The following TAFA1 variants were observed in gnomAD, a reference collection of about 807,000 sequenced individuals.
TAFA1 encodes TAFA chemokine like family member 1, also known as chemokine-like protein TAFA-1.
A neutral mutation model predicts 18.5 loss-of-function variants in TAFA1; 4 were observed. That is an observed-to-expected ratio of 0.22 (90% CI 0.11 to 0.49). TAFA1 has a LOEUF of 0.49. TAFA1 is among the 20% of genes least tolerant of loss of function. TAFA1 has a pLI of 0.98. For missense variants in TAFA1, 147 were observed against 169.0 expected, an observed-to-expected ratio of 0.87 and a Z score of 0.72; for synonymous variants, 56 against 55.2, an observed-to-expected ratio of 1.01 and a Z score of -0.06.
chr3:68,441,257 C>T (rs2071374283), intron 3 of TAFA1, among the ~76,000 whole-genome samples: 2 of 152,146 alleles, frequency 1.3e-5, no homozygotes, highest in South Asian at 4.1e-4. Flanking sequence ...GTGCAGGCTG[C>T]TTTGTAAGCT....
chr3:68,109,032 T>C (rs1296395619), intron 2 of TAFA1, among the ~76,000 whole-genome samples: 2 of 152,116 alleles, frequency 1.3e-5, no homozygotes, highest in Non-Finnish European at 2.9e-5. Flanking sequence ...CAAGGATGCA[T>C]ATAATGAAGC....
intron 2 of TAFA1, among the ~76,000 whole-genome samples, chr3:68,381,454 G>A: frequency 6.6e-6 from 1 of 152,020 alleles, no homozygotes; most frequent in Admixed American, 6.6e-5. Context: ...ATTGAGCAGT[G>A]GTTTGTAGTT....
intron 2 of TAFA1, among the ~76,000 whole-genome samples, chr3:68,108,436 GT>G (rs2065227932): frequency 4.8e-5 from 1 of 21,022 alleles, no homozygotes; most frequent in Non-Finnish European, 9.7e-5. Context: ...TTATTTGAAG[GT>G]GTGTGTGTGT....
intron 2 of TAFA1, among the ~76,000 whole-genome samples, chr3:68,240,132 A>C (rs556397953): frequency 6.6e-6 from 1 of 152,302 alleles, no homozygotes; most frequent in South Asian, 2.1e-4. Context: ...ACTTTTAGAA[A>C]TGATGAAGAG....
intron 2 of TAFA1, among the ~76,000 whole-genome samples, chr3:68,241,236 C>T (rs2066995225): frequency 1.3e-5 from 2 of 152,112 alleles, no homozygotes; most frequent in Middle Eastern, 3.4e-3. Context: ...TGGTACTTGA[C>T]CTATTGGAAG....
chr3:68,116,622 G>T (rs9990002), intron 2 of TAFA1, among the ~76,000 whole-genome samples: 125,647 of 152,138 alleles, frequency 0.83, 53,899 homozygotes, highest in South Asian at 0.95. Flanking sequence ...CTCTACCCTA[G>T]TTTCAGGTCA....
intron 2 of TAFA1, among the ~76,000 whole-genome samples, chr3:68,120,205 CTT>C (rs1360590038): frequency 9.3e-6 from 1 of 108,014 alleles, no homozygotes; most frequent in African/African-American, 4.1e-5. Context: ...TTCTTTCTTT[CTT>C]TCTTTCTTTC....
intron 2 of TAFA1, among the ~76,000 whole-genome samples, chr3:68,362,100 G>A (rs1007138354): frequency 6.6e-6 from 1 of 151,870 alleles, no homozygotes; most frequent in Non-Finnish European, 1.5e-5. Flanking sequence ...GGGTTTTGTT[G>A]GTATGGAGTT....
chr3:68,285,316 A>T (rs2067976516), intron 2 of TAFA1, among the ~76,000 whole-genome samples: 1 of 152,104 alleles, frequency 6.6e-6, no homozygotes, highest in African/African-American at 2.4e-5. Flanking sequence ...GGAGGGTGAA[A>T]GTGTTGTAAG....
intron 2 of TAFA1, among the ~76,000 whole-genome samples, chr3:68,083,220 T>C (rs575338851): frequency 6.6e-6 from 1 of 152,304 alleles, no homozygotes; most frequent in Admixed American, 6.5e-5. Context: ...AAATACATTC[T>C]GGGCAGTAAG....
intron 2 of TAFA1, among the ~76,000 whole-genome samples, chr3:68,351,414 C>A (rs1203709931): frequency 6.6e-6 from 1 of 152,010 alleles, no homozygotes; most frequent in African/African-American, 2.4e-5. Context: ...GTGTATTAAG[C>A]AGATTCAATG....
intron 2 of TAFA1, among the ~76,000 whole-genome samples, chr3:68,008,072 G>A (rs971564981): frequency 7.9e-5 from 12 of 152,344 alleles, no homozygotes; most frequent in Middle Eastern, 3.4e-3. Flanking sequence ...GCTGGGGGCT[G>A]TTTCTGGGCC....
chr3:68,517,406 C>G (rs2072939655), intron 3 of TAFA1, among the ~76,000 whole-genome samples: 1 of 152,122 alleles, frequency 6.6e-6, no homozygotes, highest in Non-Finnish European at 1.5e-5. Flanking sequence ...TCAGATGGAG[C>G]TCTTTTAGTC....
intron 2 of TAFA1, among the ~76,000 whole-genome samples, chr3:68,017,708 T>A: frequency 6.6e-6 from 1 of 152,356 alleles, no homozygotes; most frequent in African/African-American, 2.4e-5. Flanking sequence ...TTTAAGATAG[T>A]GCAGCTTTAG....
At chr3:67,992,640 A>G in the TAFA1 span, among the ~76,000 whole-genome samples, 1 of 152,228 alleles carries the variant, frequency 6.6e-6, no homozygotes, top group Non-Finnish European at 1.5e-5. Flanking sequence ...TATACATAAT[A>G]CATAAACAAA....
chr3:68,116,480 C>G (rs1308255907), intron 2 of TAFA1, among the ~76,000 whole-genome samples: 1 of 152,132 alleles, frequency 6.6e-6, no homozygotes, highest in Non-Finnish European at 1.5e-5. Flanking sequence ...TTCAACTTCG[C>G]TATTTCTCTG....
intron 2 of TAFA1, among the ~76,000 whole-genome samples, chr3:68,318,285 C>G (rs981389917): frequency 7.9e-5 from 12 of 152,172 alleles, no homozygotes; most frequent in African/African-American, 1.2e-4. Context: ...ATGCTTCTCC[C>G]TCTCCTGGCT....
chr3:68,073,372 A>T (rs1158338108), intron 2 of TAFA1, among the ~76,000 whole-genome samples: 1 of 152,266 alleles, frequency 6.6e-6, no homozygotes, highest in Non-Finnish European at 1.5e-5. Context: ...GCAAAGGTCC[A>T]CAGGACTAGA....
intron 2 of TAFA1, among the ~76,000 whole-genome samples, chr3:68,023,357 G>A (rs752598089): frequency 2.6e-5 from 4 of 152,020 alleles, no homozygotes; most frequent in Non-Finnish European, 5.9e-5. Flanking sequence ...GTTGTTCACC[G>A]TGGCAGAAAA....
Sources: allele counts gnomAD v4.1 joint callset (sites outside exome capture counted in the v4.1 genomes callset), GRCh38; gene constraint gnomAD v4.1.1; transcripts MANE v1.5; gene names NCBI Gene and HGNC (gene_info 2026-07-23, HGNC 2026-07-21).